ARHGEF4: variants seen among roughly 807,000 people sequenced by gnomAD.
The protein encoded by ARHGEF4 is Rho guanine nucleotide exchange factor 4.
Under a neutral mutation model 162.0 loss-of-function variants are expected in ARHGEF4, and 119 were observed. The observed-to-expected ratio is 0.73, with a 90% CI of 0.63 to 0.86. The LOEUF (loss-of-function observed/expected upper bound fraction) is 0.86. ARHGEF4 is among the 40% of genes least tolerant of loss of function. ARHGEF4 has a pLI of 0.00. For missense variants in ARHGEF4, 2,488 were observed against 2,456.0 expected (o/e 1.01, Z -0.28); for synonymous variants, 1,014 against 979.9 (o/e 1.03, Z -0.65).
chr2:130,863,883 T>C (rs1468133073), intron 1 of ARHGEF4, among the ~76,000 whole-genome samples: 1 of 108,984 alleles, frequency 9.2e-6, no homozygotes, highest in Non-Finnish European at 1.9e-5. Flanking sequence ...GGAATACTGC[T>C]CAACAACAAG....
chr2:131,005,490 G>C (rs1438471510), intron 4 of ARHGEF4, among the ~76,000 whole-genome samples: 2 of 152,158 alleles, frequency 1.3e-5, no homozygotes, highest in African/African-American at 4.8e-5. Context: ...GCCCAGTCCT[G>C]TTCTGTGTTG....
At chr2:130,842,544 G>T (rs560180805) in intron 1 of ARHGEF4, among the ~76,000 whole-genome samples, 1 of 152,296 alleles carries the variant, frequency 6.6e-6, no homozygotes, top group East Asian at 1.9e-4. Flanking sequence ...GCAGTCCTTG[G>T]ATTCTTCATG....
chr2:130,993,823 C>T (rs546585639), intron 4 of ARHGEF4, among the ~76,000 whole-genome samples: 59 of 151,734 alleles, frequency 3.9e-4, no homozygotes, highest in African/African-American at 1.4e-3. Context: ...TTGCTGTTAC[C>T]CAGGCTGGAG....
chr2:130,990,982 T>G (rs1055414142), intron 4 of ARHGEF4, among the ~76,000 whole-genome samples: 1 of 152,156 alleles, frequency 6.6e-6, no homozygotes, highest in South Asian at 2.1e-4. Flanking sequence ...AATCTAAAAT[T>G]TGGTTCCTAT....
At chr2:130,994,070 C>T (rs1687226804) in intron 4 of ARHGEF4, among the ~76,000 whole-genome samples, 1 of 152,192 alleles carries the variant, frequency 6.6e-6, no homozygotes, top group Admixed American at 6.5e-5. Flanking sequence ...TGAGCCACCA[C>T]GCTTGGCCTG....
chr2:130,993,545 C>G (rs942716043), intron 4 of ARHGEF4, among the ~76,000 whole-genome samples: 2 of 152,018 alleles, frequency 1.3e-5, no homozygotes, highest in Admixed American at 6.6e-5. Flanking sequence ...CTAAATCTTT[C>G]AGTAGGATTT....
At chr2:131,018,421 G>A (rs1688894806) in intron 4 of ARHGEF4, among the ~76,000 whole-genome samples, 1 of 152,104 alleles carries the variant, frequency 6.6e-6, no homozygotes, top group Non-Finnish European at 1.5e-5. Context: ...CTATTTTTGA[G>A]TTGGGCTAGT....
At chr2:130,867,562 A>G (rs568675433) in intron 1 of ARHGEF4, among the ~76,000 whole-genome samples, 2 of 152,190 alleles carry the variant, frequency 1.3e-5, no homozygotes, top group African/African-American at 4.8e-5. Context: ...ATTTTCATTC[A>G]GTTCAAAATA....
chr2:131,033,001 T>C (rs10928505), intron 5 of ARHGEF4, among the ~76,000 whole-genome samples: 140,612 of 151,526 alleles, frequency 0.93, 65,503 homozygotes, highest in Non-Finnish European at 0.97. Flanking sequence ...TACAGGCACA[T>C]GCCGCCACTC....
chr2:131,041,219 G>T lies in ARHGEF4; in HGVS notation c.4663-11G>T, dbSNP rs1166140890. ...CAGAGAGCTCTGCTAACCTCCAGCT[G>T]TGCCCCTTAGCAAGCCGACTTCCAG... On this transcript the variant is annotated splice_polypyrimidine_tract_variant and intron_variant, in intron 8 of 13. Transcript: ENST00000409359. 3.1e-6 allele frequency: 5 copies of T among 1,610,370 alleles called. No individual in the cohort carries two copies. In the African/African-American group the frequency reaches 6.7e-5, roughly 22 times the overall value.
chr2:130,948,486 G>C (rs1352518289), intron 4 of ARHGEF4, among the ~76,000 whole-genome samples: 1 of 152,232 alleles, frequency 6.6e-6, no homozygotes, highest in Non-Finnish European at 1.5e-5. Flanking sequence ...AATCTTTCCA[G>C]AGAGAATCCT....
intron 1 of ARHGEF4, among the ~76,000 whole-genome samples, chr2:130,907,360 G>A (rs1053323113): frequency 2.0e-5 from 3 of 151,730 alleles, no homozygotes; most frequent in Non-Finnish European, 4.4e-5. Context: ...GACTACAGGC[G>A]CCTGCCACCA....
chr2:130,914,544 G>C lies in ARHGEF4; in HGVS notation c.598G>C (p.Val200Leu). 7.1e-7 allele frequency: 1 copy of C among 1,414,918 alleles called. No individual in the cohort carries two copies. The highest frequency in any genetic ancestry group is 9.2e-7 in the Non-Finnish European group (1 of 1,090,686). 87.6% of individuals were successfully genotyped at this position (1,414,918 alleles called of 1,614,324 possible). A position where few individuals can be genotyped will look rare whatever the true frequency, so the allele number is the denominator to read the frequency against. The stretch of plus-strand genomic sequence containing the variant: ...CAGTGGTCCTGAGCCAGTACAGGGG[G>C]TGGCTGTTCAAGACCTCAGAGGGCT... ...DSSGPEPVQGVAVQDLRGLSS... is the reference protein window; with the variant it reads ...DSSGPEPVQGLAVQDLRGLSS... Residue 200 changes from valine to leucine, a missense_variant, in exon 2 of 14, where the codon GTG becomes CTG. Physicochemically the swap from Val to Leu is conservative, Grantham distance 32 (BLOSUM62 1). Coordinates refer to ENST00000409359, the MANE Select transcript of ARHGEF4 (RefSeq NM_001367493.1).
At chr2:130,881,375 A>C (rs1039532352) in intron 1 of ARHGEF4, among the ~76,000 whole-genome samples, 2 of 152,182 alleles carry the variant, frequency 1.3e-5, no homozygotes, top group African/African-American at 4.8e-5. Context: ...ATCTGGCAGG[A>C]TGTTGAAATT....
Position 130,930,937 on chromosome 2 carries a change from C to T in ARHGEF4, c.3553-15C>T. On this transcript the variant is annotated splice_polypyrimidine_tract_variant and intron_variant, in intron 2 of 13. Transcript: ENST00000409359. ...TTTGACCTCTGACCCCTGACCCGTT[C>T]TCTCTGCTCTCCAGAACCACATGCC... 1 of 1,592,078 alleles carries T rather than the reference C, an allele frequency of 6.3e-7. No individual in the cohort carries two copies. Among genetic ancestry groups the T allele is most frequent in the South Asian group, 1.1e-5 (1 of 88,986 alleles).
At chr2:130,913,849 T>C (rs759072694) in intron 1 of ARHGEF4, 137 bp from the exon 2 acceptor site, 369 of 1,045,374 alleles carry the variant, frequency 3.5e-4, no homozygotes, top group Middle Eastern at 6.6e-4. Context: ...CATACTTACC[T>C]CCCTTCCTAG....
intron 1 of ARHGEF4, among the ~76,000 whole-genome samples, chr2:130,888,961 C>T (rs1042903240): frequency 1.3e-5 from 2 of 151,666 alleles, no homozygotes; most frequent in Admixed American, 6.6e-5. Flanking sequence ...AAAAATTAGC[C>T]GGGCATGGTG....
intron 1 of ARHGEF4, among the ~76,000 whole-genome samples, chr2:130,849,181 A>G (rs1053458909): frequency 6.6e-5 from 10 of 152,174 alleles, no homozygotes; most frequent in African/African-American, 2.4e-4. Context: ...TTTGTTTCTC[A>G]GTGTGCCCAC....
chr2:131,040,461 C>T (rs540054630), intron 8 of ARHGEF4, 21 bp downstream of exon 8: 2 of 1,534,700 alleles, frequency 1.3e-6, no homozygotes, highest in East Asian at 4.8e-5. Context: ...GGCCCCCGGC[C>T]CCTACCTGGG....
Sources: allele counts gnomAD v4.1 joint callset (sites outside exome capture counted in the v4.1 genomes callset), GRCh38; gene constraint gnomAD v4.1.1; transcripts MANE v1.5; gene names NCBI Gene and HGNC (gene_info 2026-07-23, HGNC 2026-07-21).